The following NAA80 variants were observed in gnomAD, a reference collection of about 807,000 sequenced individuals.
The protein encoded by NAA80 is N-alpha-acetyltransferase 80.
Under a neutral mutation model 8.7 loss-of-function variants are expected in NAA80, and 5 were observed. That is an observed-to-expected ratio of 0.58 (90% confidence interval 0.30 to 1.21). NAA80 has a LOEUF of 1.21. Ranked by LOEUF, NAA80 falls within the 50% of genes most tolerant of loss-of-function variation. The probability of loss-of-function intolerance (pLI) is 0.07; values close to 1 mark genes in which losing one functional copy is unlikely to be tolerated. For missense variants in NAA80, 360 were observed against 368.6 expected, an observed-to-expected ratio of 0.98 and a Z score of 0.19; for synonymous variants, 149 against 156.6, an observed-to-expected ratio of 0.95 and a Z score of 0.36.
rs1701974914 is a variant in NAA80, at chr3:50,298,688, C to T, written c.-210+525G>A. On this transcript the variant is annotated intron_variant, in intron 1 of 1. Transcript: ENST00000443094. Reference sequence around the variant, plus strand: ...CGGGCAGCTGAGCCCCCTCCTTCTACTCACCTGCTCCAGAGGGGGCCTCCT... The same window carrying T: ...CGGGCAGCTGAGCCCCCTCCTTCTATTCACCTGCTCCAGAGGGGGCCTCCT... The T allele has an allele frequency of 4.3e-6, 4 of 920,838 alleles. No individual in the cohort carries two copies. The South Asian group carries it at 1.3e-4, about 31-fold the overall frequency. The allele number at this position is 920,838 out of a possible 1,614,324, so 57.0% of individuals were successfully genotyped here. A position where few individuals can be genotyped will look rare whatever the true frequency, so the allele number is the denominator to read the frequency against.
rs200295394 is a variant in NAA80, at chr3:50,296,731, G to C, written c.733C>G (p.Pro245Ala). Residue 245 changes from proline to alanine, a missense_variant, in exon 2 of 2, where the codon CCT becomes GCT. Transcript: ENST00000443094. ...ATGGTCAGGCACTCAGGTAGGGGAG[G>C]GGGTGGTGGCAATGGAGGTCCCTTG... ...GPKGPPLPPP[P>A]PLPECLTISP... The C allele has an allele frequency of 2.5e-5, 41 of 1,612,060 alleles. No homozygotes were observed. The African/African-American group carries it at 5.3e-4, about 21-fold the overall frequency.
chr3:50,298,830 C>T, intron 1 of NAA80: 2 of 1,194,984 alleles, frequency 1.7e-6, no homozygotes, highest in Non-Finnish European at 1.0e-6. Flanking sequence ...CCTGCATCAG[C>T]CACCTCTGCA....
chr3:50,297,804 C>T lies in NAA80; in HGVS notation c.-209-132G>A. On this transcript the variant is annotated intron_variant, in intron 1 of 1. Coordinates refer to ENST00000443094, the MANE Select transcript of NAA80 (RefSeq NM_001200016.2). This position sits in a 1 kb window ranked among gnomAD's most constrained non-coding sequence, Gnocchi z 4.3. ...GGTGGGCTGCACTTTGTCCCACACT[C>T]ACCTGATAGCACAGGTGACCTGGAA... is the stretch of plus-strand genomic sequence containing the variant. The T allele has an allele frequency of 8.5e-7, 1 of 1,177,234 alleles. No individual in the cohort carries two copies. Among genetic ancestry groups the T allele is most frequent in the Non-Finnish European group, 1.1e-6 (1 of 951,658 alleles). 72.9% of individuals were successfully genotyped at this position (1,177,234 alleles called of 1,614,324 possible). A position where few individuals can be genotyped will look rare whatever the true frequency, so the allele number is the denominator to read the frequency against.
In NAA80 at chr3:50,296,461, C is replaced by T; in HGVS notation, c.*142G>A. The stretch of plus-strand genomic sequence containing the variant: ...GCTCTGAGCCAGAGCCACCTCCTGG[C>T]CCCACTGGTACCCAGGAAACATGCC... On this transcript the variant is annotated 3_prime_UTR_variant, in exon 2 of 2. Transcript: ENST00000443094. 1 of 970,226 alleles carries T rather than the reference C, an allele frequency of 1.0e-6. No homozygotes were observed. The highest frequency in any genetic ancestry group is 2.8e-5 in the Admixed American group (1 of 35,508). The allele number at this position is 970,226 out of a possible 1,614,324, so 60.1% of individuals were successfully genotyped here.
chr3:50,297,660 A>C lies in NAA80; in HGVS notation c.-197T>G. 7.1e-7 allele frequency: 1 copy of C among 1,408,782 alleles called. No homozygotes were observed. Among genetic ancestry groups the C allele is most frequent in the Middle Eastern group, 2.6e-4 (1 of 3,832 alleles). The allele number at this position is 1,408,782 out of a possible 1,614,324, so 87.3% of individuals were successfully genotyped here. A position where few individuals can be genotyped will look rare whatever the true frequency, so the allele number is the denominator to read the frequency against. ...AGGCAGTAGCATCTCTTCAGACCAC[A>C]GTGGCTCTCCTCCTGTAGATAACAG... On this transcript the variant is annotated 5_prime_UTR_variant, in exon 2 of 2. Coordinates refer to ENST00000443094, the MANE Select transcript of NAA80 (RefSeq NM_001200016.2). This position sits in a 1 kb window ranked among gnomAD's most constrained non-coding sequence, Gnocchi z 4.3.
chr3:50,298,961 C>T, intron 1 of NAA80: 1 of 1,436,402 alleles, frequency 7.0e-7, no homozygotes, highest in East Asian at 2.6e-5. Flanking sequence ...GGGCGGGGCT[C>T]CGGGGTCCTC....
intron 1 of NAA80, 87 bp downstream of exon 1, chr3:50,299,126 G>A: frequency 6.2e-7 from 1 of 1,612,848 alleles, no homozygotes; most frequent in Non-Finnish European, 8.5e-7. Flanking sequence ...CTGACGCGGG[G>A]AGGGCGTGCA....
At position 50,297,006 on chromosome 3, in the gene NAA80, C is replaced by G. The variant is rs2109291065; in HGVS notation, c.458G>C (p.Gly153Ala). The G allele has an allele frequency of 6.4e-7, 1 of 1,555,192 alleles. No homozygotes were observed. ...VARALRGRGF[G>A]RRLMEGLEVF... ...CTCCAGGCCCTCCATGAGGCGGCGG[C>G]CAAAGCCACGGCCCCTCAGGGCCCG... Residue 153 changes from glycine (G) to alanine (A), a missense_variant, in exon 2 of 2, where the codon GGC (glycine) becomes GCC (alanine). Gly to Ala is a moderately conservative substitution (Grantham distance 60, BLOSUM62 0). Coordinates refer to ENST00000443094, the MANE Select transcript of NAA80 (RefSeq NM_001200016.2). The surrounding 1 kb of genome is among the most constrained non-coding windows in gnomAD (Gnocchi z 4.3).
Position 50,297,259 on chromosome 3 carries a change from G to T in NAA80, c.205C>A (p.Pro69Thr). The T allele has an allele frequency of 6.2e-7, 1 of 1,610,274 alleles. No individual in the cohort carries two copies. The highest frequency in any genetic ancestry group is 8.5e-7 in the Non-Finnish European group (1 of 1,177,582). ...TCAGCACAAGCATCCAGGAGCTCGG[G>T]TCGGCGGTGCACAGGCTCCAGGGTC... ...ELTLEPVHRR[P>T]ELLDACADLI... Residue 69 changes from proline (P) to threonine (T), a missense_variant, in exon 2 of 2, where the codon CCC becomes ACC. Transcript: ENST00000443094. This position sits in a 1 kb window ranked among gnomAD's most constrained non-coding sequence, Gnocchi z 4.3.
intron 1 of NAA80, among the ~76,000 whole-genome samples, chr3:50,298,426 A>G (rs1477909920): frequency 6.6e-6 from 1 of 151,858 alleles, no homozygotes; most frequent in Non-Finnish European, 1.5e-5. Flanking sequence ...CAGCACCAGC[A>G]CTGGGCCTGG....
intron 1 of NAA80, 31 bp downstream of exon 1, chr3:50,299,182 A>G (rs782762467): frequency 1.2e-6 from 2 of 1,614,114 alleles, no homozygotes; most frequent in Admixed American, 1.7e-5. Flanking sequence ...GTGGACCTAC[A>G]GGCAGCAAAT....
intron 1 of NAA80, chr3:50,298,133 A>G: frequency 1.0e-6 from 1 of 980,992 alleles, no homozygotes; most frequent in East Asian, 1.1e-4. Flanking sequence ...CCCCTGCTCA[A>G]ACCTACCCAA....
chr3:50,296,442 A>G lies in NAA80; in HGVS notation c.*161T>C. ...TTATTCAGCCACACTGACGGCTCTGAGCCAGAGCCACCTCCTGGCCCCACT... is the reference window on the plus strand; with the variant it reads ...TTATTCAGCCACACTGACGGCTCTGGGCCAGAGCCACCTCCTGGCCCCACT... On this transcript the variant is annotated 3_prime_UTR_variant, in exon 2 of 2. Coordinates refer to ENST00000443094, the MANE Select transcript of NAA80 (RefSeq NM_001200016.2). 2 of 787,842 alleles carry G rather than the reference A, an allele frequency of 2.5e-6. No individual in the cohort carries two copies. The highest frequency in any genetic ancestry group is 4.0e-6 in the Non-Finnish European group (2 of 495,280). The allele number at this position is 787,842 out of a possible 1,614,324, so 48.8% of individuals were successfully genotyped here. A position where few individuals can be genotyped will look rare whatever the true frequency, so the allele number is the denominator to read the frequency against.
chr3:50,298,994 C>T, intron 1 of NAA80: 1 of 1,466,470 alleles, frequency 6.8e-7, no homozygotes, highest in Non-Finnish European at 9.0e-7. Context: ...CTCCGTCTCT[C>T]CCGGGCCTCG....
rs142431801 is a variant in NAA80 at position 50,298,127 on chromosome 3, T to C, written c.-209-455A>G. Reference sequence around the variant, plus strand: ...GATGCAAAGCAGACACTATACCCCCTGCTCAAACCTACCCAAGGTTCCCTC... The same window carrying C: ...GATGCAAAGCAGACACTATACCCCCCGCTCAAACCTACCCAAGGTTCCCTC... On this transcript the variant is annotated intron_variant, in intron 1 of 1. Transcript: ENST00000443094. The C allele has an allele frequency of 1.3e-3, 1,236 of 982,102 alleles. 10 individuals carry two copies. The African/African-American group carries it at 0.02, about 16-fold the overall frequency. 60.8% of individuals were successfully genotyped at this position (982,102 alleles called of 1,614,324 possible).
rs782143194 is a variant in NAA80 at position 50,297,001 on chromosome 3, G to A, written c.463C>T (p.Arg155Cys). 14 of 1,559,262 alleles carry A rather than the reference G, an allele frequency of 9.0e-6. No individual in the cohort carries two copies. Among genetic ancestry groups the A allele is most frequent in the Admixed American group, 4.1e-5 (2 of 49,370 alleles). The change falls in exon 2 of 2, where the codon CGC becomes TGC. Residue 155 changes from arginine (R) to cysteine (C), a missense_variant. Transcript: ENST00000443094. The surrounding 1 kb of genome is among the most constrained non-coding windows in gnomAD (Gnocchi z 4.3). ...RALRGRGFGR[R>C]LMEGLEVFAR... ...AAGACCTCCAGGCCCTCCATGAGGC[G>A]GCGGCCAAAGCCACGGCCCCTCAGG...
rs1189117653 is a variant in NAA80, at chr3:50,297,028, C to G, written c.436G>C (p.Ala146Pro). Residue 146 changes from alanine to proline, a missense_variant, in exon 2 of 2, where the codon GCC becomes CCC. Physicochemically the swap from Ala to Pro is conservative, Grantham distance 27. Transcript: ENST00000443094. This position sits in a 1 kb window ranked among gnomAD's most constrained non-coding sequence, Gnocchi z 4.3. ...LLVETVVVAR[A>P]LRGRGFGRRL... ...CGGCCAAAGCCACGGCCCCTCAGGG[C>G]CCGGGCCACCACCACTGTCTCCACT... is the stretch of plus-strand genomic sequence containing the variant. 12 of 1,540,786 alleles carry G rather than the reference C, an allele frequency of 7.8e-6. No individual in the cohort carries two copies. Among genetic ancestry groups the G allele is most frequent in the Non-Finnish European group, 1.0e-5 (12 of 1,147,336 alleles).
In NAA80 at chr3:50,297,532, G is replaced by A. The variant is rs781914480; in HGVS notation, c.-69C>T. ...GGGCTCAGAGTCAGCTCTTGCCTAT[G>A]CACAGGATCCAGGTTCAGCTGAGTC... On this transcript the variant is annotated 5_prime_UTR_variant, in exon 2 of 2. Transcript: ENST00000443094. The surrounding 1 kb of genome is among the most constrained non-coding windows in gnomAD (Gnocchi z 4.3). 2.0e-6 allele frequency: 3 copies of A among 1,516,838 alleles called. No individual in the cohort carries two copies. Among genetic ancestry groups the A allele is most frequent in the Non-Finnish European group, 2.7e-6 (3 of 1,130,282 alleles). The allele number at this position is 1,516,838 out of a possible 1,614,324, so 94.0% of individuals were successfully genotyped here.
In NAA80 at chr3:50,297,086, C is replaced by G; in HGVS notation, c.378G>C (p.Leu126=). 6.5e-7 allele frequency: 1 copy of G among 1,541,284 alleles called. No homozygotes were observed. Among genetic ancestry groups the G allele is most frequent in the South Asian group, 1.3e-5 (1 of 79,904 alleles). ...AAPVVVGHAR[L]SRVLNQPQSL... is the part of the protein sequence containing the mutation. ...TCTGGGGCTGGTTCAGCACCCGTGACAGGCGGGCATGGCCCACCACAACGG... is the reference window on the plus strand; with the variant it reads ...TCTGGGGCTGGTTCAGCACCCGTGAGAGGCGGGCATGGCCCACCACAACGG... The change falls in exon 2 of 2, where the codon CTG becomes CTC. Residue 126 remains leucine, a synonymous_variant. Transcript: ENST00000443094. This position sits in a 1 kb window ranked among gnomAD's most constrained non-coding sequence, Gnocchi z 4.3.
Sources: gnomAD v4.1 joint callset for allele counts (sites outside exome capture counted in the v4.1 genomes callset) on GRCh38, gnomAD v4.1.1 for gene constraint, Gnocchi (gnomAD v3.1) non-coding constraint, MANE v1.5 for transcripts, NCBI Gene and HGNC (gene_info 2026-07-23, HGNC 2026-07-21) for gene names.